APOL4: variants seen among roughly 807,000 people sequenced by gnomAD.
The protein encoded by APOL4 is apolipoprotein L4.
In APOL4, 14 loss-of-function variants were observed where a neutral mutation model predicts 12.1. That is an observed-to-expected ratio of 1.16 (90% confidence interval 0.76 to 1.81). The LOEUF (loss-of-function observed/expected upper bound fraction) is 1.81. Ranked by LOEUF, APOL4 falls within the 40% of genes most tolerant of loss-of-function variation. The pLI, the probability that APOL4 is intolerant of heterozygous loss-of-function variation, is 0.00. For missense variants in APOL4, 432 were observed against 423.1 expected (o/e 1.02, Z -0.18); for synonymous variants, 171 against 160.6 (o/e 1.06, Z -0.49).
rs1003525857 is a variant in APOL4, at chr22:36,191,638, C to T, written c.484G>A (p.Ala162Thr). ...VIGVMLAPFT[A>T]GLSLSITAAG... ...GCAGTAATGCTCAGGCTCAGCCCTG[C>T]TGTAAATGGTGCCAACATAACGCCA... Residue 162 changes from alanine to threonine, a missense_variant, in exon 4 of 4, where the codon GCA becomes ACA. Ala to Thr is a moderately conservative substitution (Grantham distance 58). Transcript: ENST00000683024. 1.2e-6 allele frequency: 2 copies of T among 1,613,828 alleles called. No homozygotes were observed. Among genetic ancestry groups the T allele is most frequent in the African/African-American group, 1.3e-5 (1 of 74,940 alleles).
At chr22:36,203,725 C>A (rs1448763578), upstream of APOL4, among the ~76,000 whole-genome samples, 1 of 152,186 alleles carries the variant, frequency 6.6e-6, no homozygotes, top group Non-Finnish European at 1.5e-5. Flanking sequence ...ATAGCCCTAG[C>A]TTGTCCATAT....
chr22:36,194,127 A>G (rs757653261), intron 3 of APOL4, among the ~76,000 whole-genome samples: 10 of 152,156 alleles, frequency 6.6e-5, no homozygotes, highest in Non-Finnish European at 5.9e-5. Context: ...GTCTTCCGAG[A>G]ACCCTTCAAA....
At chr22:36,197,813 G>A (rs2014458123) in intron 2 of APOL4, 1 of 1,549,550 alleles carries the variant, frequency 6.5e-7, no homozygotes, top group Non-Finnish European at 8.7e-7. Flanking sequence ...ACAGGGGGAG[G>A]GGATGGGCCC....
intron 1 of APOL4, among the ~76,000 whole-genome samples, chr22:36,201,311 G>A (rs1374981341): frequency 6.7e-6 from 1 of 149,640 alleles, no homozygotes; most frequent in Admixed American, 6.7e-5. Context: ...TGGTTCCCGG[G>A]CCCCCTGATG....
upstream of APOL4, among the ~76,000 whole-genome samples, chr22:36,203,690 G>A (rs1292973085): frequency 6.6e-6 from 1 of 152,158 alleles, no homozygotes. Context: ...ATGCCTAGAA[G>A]AGCCACGGCA....
At chr22:36,201,823 A>G (rs2146950338), upstream of APOL4, 2 of 1,573,644 alleles carry the variant, frequency 1.3e-6, no homozygotes, top group Non-Finnish European at 1.7e-6. Flanking sequence ...AGCCTCAACT[A>G]GGACACAGTG....
upstream of APOL4, chr22:36,201,934 A>G (rs942501478): frequency 2.0e-5 from 33 of 1,613,126 alleles, no homozygotes; most frequent in Admixed American, 8.3e-5. Flanking sequence ...GCCCTGCCCA[A>G]TTGTGCAGCC....
rs1002426356 is a variant in APOL4 at position 36,201,689 on chromosome 22, C to G, written c.35+11G>C. 45 of 1,602,478 alleles carry G rather than the reference C, an allele frequency of 2.8e-5. No homozygotes were observed. The Admixed American group carries it at 7.5e-4, about 27-fold the overall frequency. On this transcript the variant is annotated intron_variant, in intron 1 of 3. Coordinates refer to ENST00000683024, the MANE Select transcript of APOL4 (RefSeq NM_001386885.1). ...GAGCAGGAGGGCAGAGAGCTGGGGC[C>G]TCGGACTCACCCGACGCTTGTGATG...
intron 2 of APOL4, among the ~76,000 whole-genome samples, chr22:36,197,045 G>T (rs1370504310): frequency 1.3e-5 from 2 of 152,160 alleles, no homozygotes; most frequent in Non-Finnish European, 2.9e-5. Context: ...TCCCCTGCAG[G>T]CTGGTCTCAG....
At chr22:36,195,228 T>G in intron 3 of APOL4, 83 bp downstream of exon 3, 1 of 1,519,310 alleles carries the variant, frequency 6.6e-7, no homozygotes, top group Middle Eastern at 1.8e-4. Context: ...CTGGAGGAGG[T>G]GTGCCTGCCA....
In APOL4 at chr22:36,191,430, A is replaced by G; in HGVS notation, c.692T>C (p.Leu231Pro). The G allele has an allele frequency of 2.5e-6, 4 of 1,614,092 alleles. No individual in the cohort carries two copies. In the South Asian group the frequency reaches 4.4e-5, roughly 18 times the overall value. ...CATTTTTGTGGCTTCGTCAAAATCA[A>G]GTGCAAAAGAAAGCACATTGGGTGT... ...DITPNVLSFA[L>P]DFDEATKMIA... Residue 231 changes from leucine to proline, a missense_variant, in exon 4 of 4, where the codon CTT becomes CCT. Coordinates refer to ENST00000683024, the MANE Select transcript of APOL4 (RefSeq NM_001386885.1).
chr22:36,201,643 G>T, intron 1 of APOL4, 57 bp downstream of exon 1: 1 of 1,461,960 alleles, frequency 6.8e-7, no homozygotes. Context: ...GTAGAACTGG[G>T]AGGACCAGGA....
At chr22:36,202,450 G>T (rs537710960), upstream of APOL4, among the ~76,000 whole-genome samples, 6 of 152,252 alleles carry the variant, frequency 3.9e-5, no homozygotes, top group Non-Finnish European at 5.9e-5. Context: ...AAATCAGGCC[G>T]GGAGCGGTGG....
At position 36,195,304 on chromosome 22, in the gene APOL4, A is replaced by G. The variant is rs2014371685; in HGVS notation, c.209+7T>C. 1 of 1,613,188 alleles carries G rather than the reference A, an allele frequency of 6.2e-7. No homozygotes were observed. Among genetic ancestry groups the G allele is most frequent in the Non-Finnish European group, 8.5e-7 (1 of 1,179,502 alleles). On this transcript the variant is annotated splice_region_variant and intron_variant, in intron 3 of 3. Coordinates refer to ENST00000683024, the MANE Select transcript of APOL4 (RefSeq NM_001386885.1). ...GTGCCCCAAGGAGGTAACCCCATGG[A>G]GGTTACCTGGGCAATTCAGCCACAC...
chr22:36,197,677 T>C (rs1160672779), intron 2 of APOL4: 7 of 1,550,214 alleles, frequency 4.5e-6, no homozygotes, highest in East Asian at 2.4e-5. Flanking sequence ...CGGCCAGTCA[T>C]GAGCAGCCAG....
rs61730817 is a variant in APOL4, at chr22:36,191,400, G to T, written c.722C>A (p.Ala241Glu). ...LDFDEATKMI[A>E]NDVHTLRRSK... ...TCTCCTGAGTGTATGGACATCATTC[G>T]CAATCATTTTTGTGGCTTCGTCAAA... The change falls in exon 4 of 4, where the codon GCG becomes GAG. Residue 241 changes from alanine (A) to glutamate (E), a missense_variant. Ala to Glu is a moderately radical substitution (Grantham distance 107). Coordinates refer to ENST00000683024, the MANE Select transcript of APOL4 (RefSeq NM_001386885.1). The T allele has an allele frequency of 2.7e-5, 43 of 1,613,952 alleles. 1 individual carries two copies. The South Asian group carries it at 4.6e-4, about 17-fold the overall frequency.
intron 3 of APOL4, among the ~76,000 whole-genome samples, chr22:36,192,882 C>T (rs1395563576): frequency 6.6e-6 from 1 of 152,180 alleles, no homozygotes; most frequent in Non-Finnish European, 1.5e-5. Context: ...TGTGATCCAG[C>T]CCCAGGAAGA....
chr22:36,200,074 TG>T (rs1464739130), intron 1 of APOL4, among the ~76,000 whole-genome samples: 2 of 151,510 alleles, frequency 1.3e-5, no homozygotes, highest in African/African-American at 4.9e-5. Context: ...CCCAAAGTGC[TG>T]GGATTACAGG....
At chr22:36,204,035 C>T (rs2014661422), upstream of APOL4, among the ~76,000 whole-genome samples, 2 of 152,180 alleles carry the variant, frequency 1.3e-5, no homozygotes, top group South Asian at 4.2e-4. Context: ...TCTACCTGCT[C>T]AGCCTCCTGA....
Sources: allele counts gnomAD v4.1 joint callset (sites outside exome capture counted in the v4.1 genomes callset), GRCh38; gene constraint gnomAD v4.1.1; transcripts MANE v1.5; gene names NCBI Gene and HGNC (gene_info 2026-07-23, HGNC 2026-07-21).